The following SMG1 variants were observed in gnomAD, a reference collection of about 807,000 sequenced individuals.
SMG1 encodes SMG1 nonsense mediated mRNA decay associated PI3K related kinase, also known as serine/threonine-protein kinase SMG1.
A neutral mutation model predicts 419.9 loss-of-function variants in SMG1; 22 were observed. The observed-to-expected ratio is 0.05, with a 90% CI of 0.04 to 0.07. The LOEUF is 0.07. SMG1 is among the 10% of genes least tolerant of loss of function. SMG1 has a pLI of 1.00. For missense variants in SMG1, 3,185 were observed against 4,342.0 expected, an observed-to-expected ratio of 0.73 and a Z score of 7.49; for synonymous variants, 1,538 against 1,553.5, an observed-to-expected ratio of 0.99 and a Z score of 0.23.
chr16:18,814,657 C>G (rs1434372153), intron 60 of SMG1, among the ~76,000 whole-genome samples: 1 of 151,912 alleles, frequency 6.6e-6, no homozygotes, highest in African/African-American at 2.4e-5. Flanking sequence ...TCACCGTAAC[C>G]TCCACCTCCC....
rs558846692 is a variant in SMG1 at position 18,837,164 on chromosome 16, C to T, written c.7604+89G>A. 11 of 1,189,070 alleles carry T rather than the reference C, an allele frequency of 9.3e-6. No homozygotes were observed. The East Asian group carries it at 2.5e-4, about 27-fold the overall frequency. 73.7% of individuals were successfully genotyped at this position (1,189,070 alleles called of 1,614,324 possible). A position where few individuals can be genotyped will look rare whatever the true frequency, so the allele number is the denominator to read the frequency against. ...CTTTTATCATTTATGTGATTTGTTA[C>T]AATAATTCTAATCCATATTGATGTT... On this transcript the variant is annotated intron_variant, in intron 46 of 62. Coordinates refer to ENST00000446231, the MANE Select transcript of SMG1 (RefSeq NM_015092.5).
chr16:18,844,695 T>G (rs920078763), intron 39 of SMG1, among the ~76,000 whole-genome samples: 1 of 151,960 alleles, frequency 6.6e-6, no homozygotes, highest in African/African-American at 2.4e-5. Context: ...TTTGCTAAAG[T>G]TGGCTGTACT....
intron 23 of SMG1, among the ~76,000 whole-genome samples, chr16:18,865,831 A>AT (rs1157239625): frequency 6.6e-6 from 1 of 151,756 alleles, no homozygotes; most frequent in Non-Finnish European, 1.5e-5. Context: ...CCTCGCTAAT[A>AT]TTTTTTGTAT....
Position 18,839,961 on chromosome 16 carries a change from A to AT in SMG1, c.6697-16dup. On this transcript the variant is annotated splice_polypyrimidine_tract_variant and intron_variant, in intron 41 of 62. Coordinates refer to ENST00000446231, the MANE Select transcript of SMG1 (RefSeq NM_015092.5). Reference sequence around the variant, plus strand: ...GAATCTTGGGCCTTAAGAAAAAACAATTTTTTTAAAAAAGAAAAGATCAAT... The same window carrying AT: ...GAATCTTGGGCCTTAAGAAAAAACAATTTTTTTTAAAAAAGAAAAGATCAAT... The AT allele has an allele frequency of 2.0e-6, 3 of 1,516,558 alleles. No homozygotes were observed. Among genetic ancestry groups the AT allele is most frequent in the South Asian group, 2.5e-5 (2 of 79,764 alleles). 93.9% of individuals were successfully genotyped at this position (1,516,558 alleles called of 1,614,324 possible).
chr16:18,809,760 T>C, intron 62 of SMG1, 114 bp from the exon 63 acceptor site: 1 of 716,952 alleles, frequency 1.4e-6, no homozygotes, highest in South Asian at 1.7e-5. Context: ...ACTCTATACT[T>C]ACCCTGCTCC....
At chr16:18,887,516 C>CTTTTTTTTT (rs574179061) in intron 6 of SMG1, among the ~76,000 whole-genome samples, 14 of 110,116 alleles carry the variant, frequency 1.3e-4, no homozygotes, top group Non-Finnish European at 2.0e-4. Context: ...TTTTTTTTTC[C>CTTTTTTTTT]TTTTTTTTTT....
intron 1 of SMG1, chr16:18,900,082 G>A (rs8059736): frequency 0.071 from 74,105 of 1,050,842 alleles, 3,180 homozygotes; most frequent in African/African-American, 0.16. Context: ...GAAGACAGTG[G>A]GTTAAAACAT....
chr16:18,914,104 T>C (rs1007616007), intron 1 of SMG1, among the ~76,000 whole-genome samples: 5 of 150,760 alleles, frequency 3.3e-5, no homozygotes, highest in African/African-American at 4.9e-5. Context: ...GAGGTAGAGG[T>C]TGCGTGAGCC....
chr16:18,843,890 C>A (rs1349496463), intron 39 of SMG1, among the ~76,000 whole-genome samples: 3 of 152,066 alleles, frequency 2.0e-5, no homozygotes, highest in Non-Finnish European at 4.4e-5. Context: ...AGTTTAATTT[C>A]TTTAGGTAAT....
intron 28 of SMG1, 142 bp from the exon 29 acceptor site, chr16:18,858,432 C>T (rs925064701): frequency 1.9e-4 from 99 of 514,914 alleles, no homozygotes; most frequent in Non-Finnish European, 5.8e-5. Flanking sequence ...TTACACTATA[C>T]CCTTACATCA....
In SMG1 at chr16:18,926,228, G is replaced by A. The variant is rs9927331; in HGVS notation, c.-187C>T. On this transcript the variant is annotated 5_prime_UTR_variant, in exon 1 of 63. Coordinates refer to ENST00000446231, the MANE Select transcript of SMG1 (RefSeq NM_015092.5). ...CGGGGGAAGAGGACGGCCGTTCCGG[G>A]TTCCGCCTGAGCCCGCAGCGCAGGA... is the stretch of plus-strand genomic sequence containing the variant. 759 of 572,356 alleles carry A rather than the reference G, an allele frequency of 1.3e-3. 4 individuals are homozygous for A. The African/African-American group carries it at 0.013, about 10-fold the overall frequency. 35.5% of individuals were successfully genotyped at this position (572,356 alleles called of 1,614,324 possible).
In SMG1 at chr16:18,837,235, T is replaced by A. The variant is rs1271691985; in HGVS notation, c.7604+18A>T. 2.5e-6 allele frequency: 4 copies of A among 1,591,562 alleles called. No homozygotes were observed. The African/African-American group carries it at 5.4e-5, about 21-fold the overall frequency. ...AATTAATGGCACATATTTAGAAGAA[T>A]TCAACACTGTTTTAAACCTGTGTTG... On this transcript the variant is annotated intron_variant, in intron 46 of 62. Transcript: ENST00000446231.
chr16:18,924,919 C>T (rs964666443), intron 1 of SMG1: 1 of 152,178 alleles, frequency 6.6e-6, no homozygotes, highest in Admixed American at 6.6e-5. Flanking sequence ...AACAAAAGGG[C>T]TTCCCAACAA....
At chr16:18,881,836 T>C (rs1456973427) in intron 10 of SMG1, among the ~76,000 whole-genome samples, 1 of 152,118 alleles carries the variant, frequency 6.6e-6, no homozygotes, top group Non-Finnish European at 1.5e-5. Flanking sequence ...ATTCGTAGTA[T>C]GCTGAAAAAC....
intron 36 of SMG1, 95 bp downstream of exon 36, chr16:18,849,119 TAAC>T (rs902719171): frequency 5.9e-6 from 2 of 341,780 alleles, no homozygotes; most frequent in African/African-American, 6.0e-5. Flanking sequence ...CTACAAACTC[TAAC>T]AACTCTGGAA....
rs1166899585 is a variant in SMG1, at chr16:18,839,939, T to C, written c.6704A>G (p.Asp2235Gly). ...EAALQAQKAQDSYQTPQNPGI... is the reference protein window; with the variant it reads ...EAALQAQKAQGSYQTPQNPGI... Reference sequence around the variant, plus strand: ...AGGATTCTGAGGAGTTTGGTAGGAATCTTGGGCCTTAAGAAAAAACAATTT... The same window carrying C: ...AGGATTCTGAGGAGTTTGGTAGGAACCTTGGGCCTTAAGAAAAAACAATTT... Residue 2235 changes from aspartate to glycine, a missense_variant, in exon 42 of 63, where the codon GAT (aspartate) becomes GGT (glycine). Transcript: ENST00000446231. 6.4e-7 allele frequency: 1 copy of C among 1,569,174 alleles called. No homozygotes were observed. Among genetic ancestry groups the C allele is most frequent in the African/African-American group, 1.4e-5 (1 of 73,146 alleles).
At chr16:18,819,691 A>G (rs1335883453) in intron 55 of SMG1, 37 bp from the exon 56 acceptor site, 2 of 1,484,056 alleles carry the variant, frequency 1.3e-6, no homozygotes, top group Non-Finnish European at 1.8e-6. Context: ...AAGGTATATG[A>G]CATTCTCTAC....
chr16:18,831,754 CA>C (rs34963434), intron 51 of SMG1, among the ~76,000 whole-genome samples: 41,376 of 89,516 alleles, frequency 0.46, 6,478 homozygotes, highest in Middle Eastern at 0.57. Flanking sequence ...GACTCCATCT[CA>C]AAAAAAAAAA....
chr16:18,902,056 T>C (rs1055151066), intron 1 of SMG1, among the ~76,000 whole-genome samples: 6 of 151,954 alleles, frequency 3.9e-5, no homozygotes, highest in South Asian at 2.1e-4. Context: ...TTGAGTCACA[T>C]GGATCAGCTT....
Sources: allele counts gnomAD v4.1 joint callset (sites outside exome capture counted in the v4.1 genomes callset), GRCh38; gene constraint gnomAD v4.1.1; transcripts MANE v1.5; gene names NCBI Gene and HGNC (gene_info 2026-07-23, HGNC 2026-07-21).